SULT6B1: variants seen among roughly 807,000 people sequenced by gnomAD.
The protein encoded by SULT6B1 is sulfotransferase 6B1.
A neutral mutation model predicts 37.2 loss-of-function variants in SULT6B1; 44 were observed. That is an observed-to-expected ratio of 1.18 (90% confidence interval 0.93 to 1.52). SULT6B1 has a LOEUF of 1.52. SULT6B1 is among the 40% of genes most tolerant of loss of function. The probability of loss-of-function intolerance (pLI) is 0.00; values close to 1 mark genes in which losing one functional copy is unlikely to be tolerated. For synonymous variants in SULT6B1, 140 were observed against 126.0 expected, an observed-to-expected ratio of 1.11 and a Z score of -0.74; for missense variants, 450 against 361.0, an observed-to-expected ratio of 1.25 and a Z score of -2.00.
At chr2:37,171,650 G>T in intron 5 of SULT6B1, 60 bp from the exon 6 acceptor site, 1 of 1,543,122 alleles carries the variant, frequency 6.5e-7, no homozygotes, top group Non-Finnish European at 8.8e-7. Flanking sequence ...TCTGAGCTGA[G>T]ACAGACTTTT....
At chr2:37,173,181 T>C (rs1451788685) in intron 5 of SULT6B1, among the ~76,000 whole-genome samples, 1 of 152,174 alleles carries the variant, frequency 6.6e-6, no homozygotes, top group African/African-American at 2.4e-5. Flanking sequence ...TATAAGAATG[T>C]AATGTAAGAC....
At chr2:37,190,441 A>T (rs1344803502), upstream of SULT6B1, among the ~76,000 whole-genome samples, 4 of 152,220 alleles carry the variant, frequency 2.6e-5, no homozygotes, top group African/African-American at 9.7e-5. Context: ...AACATTATTG[A>T]GTACTTGCAT....
At chr2:37,177,014 A>C (rs1284469648) in intron 4 of SULT6B1, among the ~76,000 whole-genome samples, 2 of 152,202 alleles carry the variant, frequency 1.3e-5, no homozygotes, top group Non-Finnish European at 2.9e-5. Context: ...AGGGAATATC[A>C]GAGGTGCAGG....
At position 37,179,563 on chromosome 2, in the gene SULT6B1, G is replaced by A. The variant is rs775733338; in HGVS notation, c.424C>T (p.Pro142Ser). Reference protein sequence around the residue: ...KAKILVIFRNPKDTAVSFLHF... With the variant: ...KAKILVIFRNSKDTAVSFLHF... ...AAAAAAGATACTGCTGTATCTTTAG[G>A]GTTTCGAAATATCACCAATATCTAG... Residue 142 changes from proline to serine, a missense_variant, in exon 4 of 7, where the codon CCT (proline) becomes TCT (serine). Transcript: ENST00000535679. 1 of 1,612,286 alleles carries A rather than the reference G, an allele frequency of 6.2e-7. No homozygotes were observed.
At chr2:37,169,361 C>T (rs4670671) in intron 6 of SULT6B1, among the ~76,000 whole-genome samples, 94,413 of 152,088 alleles carry the variant, frequency 0.62, 30,127 homozygotes, top group East Asian at 0.96. Flanking sequence ...TCTAGGCTCA[C>T]ATCCTGACTC....
At chr2:37,185,733 A>G (rs1017168902) in intron 2 of SULT6B1, among the ~76,000 whole-genome samples, 1 of 151,418 alleles carries the variant, frequency 6.6e-6, no homozygotes, top group African/African-American at 2.4e-5. Flanking sequence ...AAAAAAAAAA[A>G]AAAACAGAGA....
At chr2:37,172,755 G>A (rs190940054) in intron 5 of SULT6B1, among the ~76,000 whole-genome samples, 3,620 of 152,250 alleles carry the variant, frequency 0.024, 64 homozygotes, top group Middle Eastern at 0.058. Flanking sequence ...TGATCCACCC[G>A]CCTTGGCCTC....
At chr2:37,193,466 TATA>T (rs1572469996), upstream of SULT6B1, among the ~76,000 whole-genome samples, 1 of 150,784 alleles carries the variant, frequency 6.6e-6, no homozygotes, top group African/African-American at 2.4e-5. Context: ...TGTCTCAAAA[TATA>T]ATAATAATAA....
chr2:37,175,451 A>G (rs952816887), intron 4 of SULT6B1, among the ~76,000 whole-genome samples: 1 of 152,234 alleles, frequency 6.6e-6, no homozygotes, highest in Admixed American at 6.5e-5. Flanking sequence ...ATAACACAAA[A>G]TTAAGCAAGT....
intron 6 of SULT6B1, among the ~76,000 whole-genome samples, chr2:37,169,160 C>T (rs529523361): frequency 2.6e-5 from 4 of 152,146 alleles, no homozygotes; most frequent in African/African-American, 9.7e-5. Context: ...TTAGAATTGT[C>T]CTATTCTAAA....
intron 4 of SULT6B1, among the ~76,000 whole-genome samples, chr2:37,176,190 A>G (rs1451021197): frequency 6.7e-6 from 1 of 150,144 alleles, no homozygotes; most frequent in Non-Finnish European, 1.5e-5. Context: ...ATGGGGCGTT[A>G]TGAGGTTTAA....
rs114876607 is a variant in SULT6B1, at chr2:37,188,607, C to G, written c.34G>C (p.Asp12His). 35 of 1,451,588 alleles carry G rather than the reference C, an allele frequency of 2.4e-5. No homozygotes were observed. The highest frequency in any genetic ancestry group is 3.0e-5 in the Non-Finnish European group (31 of 1,034,194). The allele number at this position is 1,451,588 out of a possible 1,614,324, so 89.9% of individuals were successfully genotyped here. A position where few individuals can be genotyped will look rare whatever the true frequency, so the allele number is the denominator to read the frequency against. Residue 12 changes from aspartate to histidine, a missense_variant, in exon 1 of 7, where the codon GAC becomes CAC. By Grantham distance (81) the Asp-to-His change is moderately conservative. Transcript: ENST00000535679. ...TCTTTTGATTTTTCTAAAGCTTCGTCAATGTATTCAATAAATTTGGATTTA... is the reference window on the plus strand; with the variant it reads ...TCTTTTGATTTTTCTAAAGCTTCGTGAATGTATTCAATAAATTTGGATTTA... ...ADKSKFIEYI[D>H]EALEKSKETA...
intron 4 of SULT6B1, among the ~76,000 whole-genome samples, chr2:37,177,940 C>T (rs978026018): frequency 4.6e-5 from 7 of 152,148 alleles, no homozygotes; most frequent in Admixed American, 1.3e-4. Context: ...TCTATTACAC[C>T]GTACAGACTC....
intron 2 of SULT6B1, among the ~76,000 whole-genome samples, chr2:37,184,594 T>C (rs550993841): frequency 7.7e-4 from 118 of 152,298 alleles, no homozygotes; most frequent in African/African-American, 2.8e-3. Flanking sequence ...ATTCAGATGT[T>C]TGTAGCCAAT....
At chr2:37,195,643 A>AG (rs1457453742) in intron 1 of SULT6B1, among the ~76,000 whole-genome samples, 2 of 152,226 alleles carry the variant, frequency 1.3e-5, no homozygotes, top group African/African-American at 4.8e-5. Flanking sequence ...ACTTCGATGA[A>AG]GGTAGATCTG....
intron 4 of SULT6B1, among the ~76,000 whole-genome samples, chr2:37,176,752 G>A (rs1395216706): frequency 6.6e-6 from 1 of 152,090 alleles, no homozygotes; most frequent in African/African-American, 2.4e-5. Flanking sequence ...GGTCTAAGCT[G>A]ATCATGACAA....
chr2:37,187,325 G>C (rs778001175), intron 2 of SULT6B1, 30 bp downstream of exon 2: 1 of 1,347,108 alleles, frequency 7.4e-7, no homozygotes, highest in Non-Finnish European at 1.1e-6. Flanking sequence ...ATGATAATTT[G>C]CTGTAAGGTT....
chr2:37,167,987 G>A lies in SULT6B1; in HGVS notation c.860C>T (p.Ala287Val), dbSNP rs1295190880. The stretch of plus-strand genomic sequence containing the variant: ...CAACTTTGCTCCGAGGGAGGTGCCT[G>A]CTAAGCACTCTTTGAATTTTTCATC... ...EMDEKFKECLAGTSLGAKLKY... is the reference protein window; with the variant it reads ...EMDEKFKECLVGTSLGAKLKY... Residue 287 changes from alanine to valine, a missense_variant, in exon 7 of 7, where the codon GCA (alanine) becomes GTA (valine). Coordinates refer to ENST00000535679, the MANE Select transcript of SULT6B1 (RefSeq NM_001367551.1). 2 of 1,601,748 alleles carry A rather than the reference G, an allele frequency of 1.2e-6. No individual in the cohort carries two copies. The highest frequency in any genetic ancestry group is 1.1e-5 in the South Asian group (1 of 88,354).
At chr2:37,173,222 C>A (rs1463986083) in intron 5 of SULT6B1, among the ~76,000 whole-genome samples, 1 of 152,094 alleles carries the variant, frequency 6.6e-6, no homozygotes, top group Non-Finnish European at 1.5e-5. Flanking sequence ...AGTTAAGGAG[C>A]ACTTGATACT....
Sources: gnomAD v4.1 joint callset for allele counts (sites outside exome capture counted in the v4.1 genomes callset) on GRCh38, gnomAD v4.1.1 for gene constraint, MANE v1.5 for transcripts, NCBI Gene and HGNC (gene_info 2026-07-23, HGNC 2026-07-21) for gene names.